GUF1: variants seen among roughly 807,000 people sequenced by gnomAD.
GUF1 encodes the protein GTP binding elongation factor GUF1.
A neutral mutation model predicts 82.4 loss-of-function variants in GUF1; 78 were observed. That is an observed-to-expected ratio of 0.95 (90% CI 0.79 to 1.14). The LOEUF is 1.14. GUF1 is among the 50% of genes most tolerant of loss of function. The pLI is 0.00. For missense variants in GUF1, 814 were observed against 798.2 expected (o/e 1.02, Z -0.24); for synonymous variants, 279 against 282.3 (o/e 0.99, Z 0.12).
intron 8 of GUF1, 50 bp downstream of exon 8, chr4:44,686,763 T>C (rs947472540): frequency 8.2e-7 from 1 of 1,215,360 alleles, no homozygotes. Flanking sequence ...TGTGGTTCTA[T>C]TTCTGCATTT....
chr4:44,679,154 A>G lies in GUF1; in HGVS notation c.165+367A>G, dbSNP rs145957741. Among the ~76,000 whole-genome samples, 211 of 152,332 alleles carry G rather than the reference A, an allele frequency of 1.4e-3. 1 individual carries two copies. The highest frequency in any genetic ancestry group is 4.4e-3 in the African/African-American group (182 of 41,576). On this transcript the variant is annotated intron_variant, in intron 1 of 16. Transcript: ENST00000281543. ...CCATTTTCCTGCAAATTAAGTAGCTATGTGGCCTGGGCAAGTTACTACATT... is the reference window on the plus strand; with the variant it reads ...CCATTTTCCTGCAAATTAAGTAGCTGTGTGGCCTGGGCAAGTTACTACATT...
At chr4:44,681,032 CT>C in intron 3 of GUF1, 90 bp from the exon 4 acceptor site, 1 of 1,232,960 alleles carries the variant, frequency 8.1e-7, no homozygotes. Context: ...TATTTAACAG[CT>C]TTTATCAAGT....
At chr4:44,684,337 G>A (rs1039753029) in intron 6 of GUF1, among the ~76,000 whole-genome samples, 5 of 152,100 alleles carry the variant, frequency 3.3e-5, no homozygotes, top group African/African-American at 7.2e-5. Flanking sequence ...AACATTCCAG[G>A]AAGAGAAAAG....
chr4:44,697,582 C>A, intron 16 of GUF1, 138 bp downstream of exon 16: 1 of 427,218 alleles, frequency 2.3e-6, no homozygotes, highest in Non-Finnish European at 4.3e-6. Flanking sequence ...AGGTAAATTT[C>A]AGCTTGACCA....
Position 44,678,770 on chromosome 4 carries a change from A to G in GUF1, c.148A>G (p.Ser50Gly). The G allele has an allele frequency of 6.4e-7, 1 of 1,553,962 alleles. No homozygotes were observed. The highest frequency in any genetic ancestry group is 8.6e-7 in the Non-Finnish European group (1 of 1,156,940). Reference sequence around the variant, plus strand: ...GTCCTGGGCTACCGACAGGCTCTACAGCTCCGCAGAATTCAAGGTGACTGC... The same window carrying G: ...GTCCTGGGCTACCGACAGGCTCTACGGCTCCGCAGAATTCAAGGTGACTGC... ...PESWATDRLYSSAEFKEKLDM... is the reference protein window; with the variant it reads ...PESWATDRLYGSAEFKEKLDM... The change falls in exon 1 of 17, where the codon AGC (serine) becomes GGC (glycine). Residue 50 changes from serine to glycine, a missense_variant. Ser to Gly is a moderately conservative substitution (Grantham distance 56, BLOSUM62 0). Transcript: ENST00000281543.
rs1198230812 is a variant in GUF1, at chr4:44,698,697, A to C, written c.*16A>C. Reference sequence around the variant, plus strand: ...TTCTAAATAATTGGTGGGAAAACAAAGAATTTTCATTGCAATTTGTAATAT... The same window carrying C: ...TTCTAAATAATTGGTGGGAAAACAACGAATTTTCATTGCAATTTGTAATAT... On this transcript the variant is annotated 3_prime_UTR_variant, in exon 17 of 17. Coordinates refer to ENST00000281543, the MANE Select transcript of GUF1 (RefSeq NM_021927.3). 1 of 1,575,166 alleles carries C rather than the reference A, an allele frequency of 6.3e-7. No homozygotes were observed. The highest frequency in any genetic ancestry group is 2.0e-5 in the Admixed American group (1 of 49,704).
chr4:44,689,924 A>C lies in GUF1; in HGVS notation c.1284A>C (p.Thr428=). Residue 428 remains threonine (T), a synonymous_variant, in exon 11 of 17, where the codon ACA becomes ACC. Transcript: ENST00000281543. Reference sequence around the variant, plus strand: ...AATATAATGCTTCTGTTATTTTAACAACCCCTACTGTTCCATATAAAGCTG... The same window carrying C: ...AATATAATGCTTCTGTTATTTTAACCACCCCTACTGTTCCATATAAAGCTG... ...EQEYNASVIL[T]TPTVPYKAVL... The C allele has an allele frequency of 6.2e-7, 1 of 1,608,760 alleles. No individual in the cohort carries two copies. The highest frequency in any genetic ancestry group is 8.5e-7 in the Non-Finnish European group (1 of 1,176,154).
At chr4:44,683,979 G>A (rs1194448506) in intron 6 of GUF1, among the ~76,000 whole-genome samples, 2 of 151,966 alleles carry the variant, frequency 1.3e-5, no homozygotes, top group African/African-American at 4.8e-5. Context: ...TTTGGATTAT[G>A]TTATATTAAA....
intron 9 of GUF1, among the ~76,000 whole-genome samples, chr4:44,688,902 T>C (rs1200980618): frequency 2.0e-5 from 3 of 151,978 alleles, no homozygotes; most frequent in African/African-American, 7.2e-5. Flanking sequence ...AGTTTTCATG[T>C]CTACTTCTAT....
At chr4:44,696,240 T>C (rs1025813394) in intron 15 of GUF1, among the ~76,000 whole-genome samples, 10 of 152,072 alleles carry the variant, frequency 6.6e-5, no homozygotes, top group South Asian at 4.2e-4. Flanking sequence ...ACATGAATTA[T>C]AGTAGATATG....
rs1294249809 is a variant in GUF1, at chr4:44,700,911, T to G, written c.*2230T>G. 1 of 152,158 alleles carries G rather than the reference T, an allele frequency of 6.6e-6. No individual in the cohort carries two copies. 9.4% of individuals were successfully genotyped at this position (152,158 alleles called of 1,614,324 possible). On this transcript the variant is annotated 3_prime_UTR_variant, in exon 17 of 17. Transcript: ENST00000281543. ...TTTTGAAAATGACAGTATTTGAAAT[T>G]AAAAAATTGTAAAAGTGTTCTGTTC... is the stretch of plus-strand genomic sequence containing the variant.
intron 7 of GUF1, among the ~76,000 whole-genome samples, chr4:44,686,254 C>T (rs1402164902): frequency 2.0e-5 from 3 of 151,956 alleles, no homozygotes; most frequent in Non-Finnish European, 4.4e-5. Context: ...CTTTTCATGA[C>T]AATCATTATA....
At chr4:44,696,867 A>C (rs534048983) in intron 15 of GUF1, among the ~76,000 whole-genome samples, 1 of 152,318 alleles carries the variant, frequency 6.6e-6, no homozygotes, top group Non-Finnish European at 1.5e-5. Context: ...TTTCTGTCTT[A>C]AGGAATACAT....
intron 12 of GUF1, among the ~76,000 whole-genome samples, chr4:44,691,443 T>C (rs2109656903): frequency 6.6e-6 from 1 of 151,848 alleles, no homozygotes; most frequent in Admixed American, 6.6e-5. Flanking sequence ...TGTAGTTACA[T>C]TTGATTTACT....
chr4:44,694,388 T>TCA, intron 13 of GUF1, 24 bp from the exon 14 acceptor site: 1 of 1,377,056 alleles, frequency 7.3e-7, no homozygotes. Flanking sequence ...GTAATATTTA[T>TCA]CACTTGGACT....
rs776032333 is a variant in GUF1, at chr4:44,698,705, C to A, written c.*24C>A. ...AATTGGTGGGAAAACAAAGAATTTT[C>A]ATTGCAATTTGTAATATGCTGACAA... On this transcript the variant is annotated 3_prime_UTR_variant, in exon 17 of 17. Transcript: ENST00000281543. 2 of 1,570,464 alleles carry A rather than the reference C, an allele frequency of 1.3e-6. No homozygotes were observed. Among genetic ancestry groups the A allele is most frequent in the Admixed American group, 2.0e-5 (1 of 50,646 alleles).
intron 3 of GUF1, 46 bp downstream of exon 3, chr4:44,680,888 TG>T (rs1714734401): frequency 6.8e-7 from 1 of 1,471,496 alleles, no homozygotes; most frequent in African/African-American, 1.4e-5. Context: ...GTCAACATTG[TG>T]TCAGTAGTGC....
chr4:44,685,975 G>C lies in GUF1; in HGVS notation c.686G>C (p.Gly229Ala). 2.5e-6 allele frequency: 4 copies of C among 1,604,918 alleles called. No homozygotes were observed. Among genetic ancestry groups the C allele is most frequent in the Non-Finnish European group, 3.4e-6 (4 of 1,173,214 alleles). ...DECIKISAKL[G>A]TNVESVLQAI... ...TCTTTTTAGATTTCTGCTAAACTTGGAACAAATGTTGAGAGTGTTCTTCAG... is the reference window on the plus strand; with the variant it reads ...TCTTTTTAGATTTCTGCTAAACTTGCAACAAATGTTGAGAGTGTTCTTCAG... The change falls in exon 7 of 17, where the codon GGA becomes GCA. Residue 229 changes from glycine (G) to alanine (A), a missense_variant. Transcript: ENST00000281543.
rs1289244413 is a variant in GUF1, at chr4:44,699,441, CA to C, written c.*763del. The C allele has an allele frequency of 6.6e-6, 1 of 152,250 alleles. No individual in the cohort carries two copies. The highest frequency in any genetic ancestry group is 2.4e-5 in the African/African-American group (1 of 41,450). The allele number at this position is 152,250 out of a possible 1,614,324, so 9.4% of individuals were successfully genotyped here. ...TCGTGATCCACCCACCGTGGCCTCC[CA>C]AAGTGCTGATTACAGGTGTGAGCCA... On this transcript the variant is annotated 3_prime_UTR_variant, in exon 17 of 17. Transcript: ENST00000281543.
Sources: gnomAD v4.1 joint callset for allele counts (sites outside exome capture counted in the v4.1 genomes callset) on GRCh38, gnomAD v4.1.1 for gene constraint, MANE v1.5 for transcripts, NCBI Gene and HGNC (gene_info 2026-07-23, HGNC 2026-07-21) for gene names.